Variants in PRKAR2A observed in about 807,000 individuals in gnomAD.
PRKAR2A encodes the protein protein kinase cAMP-dependent type II regulatory subunit alpha, also known as cAMP-dependent protein kinase type II-alpha regulatory subunit.
PRKAR2A carries 29 observed loss-of-function variants against 51.9 expected under a neutral mutation model. The ratio of observed to expected loss-of-function variants is 0.56; its 90% CI spans 0.42 to 0.76. The LOEUF is 0.76. PRKAR2A is among the 30% of genes least tolerant of loss of function. The pLI is 0.00. For synonymous variants in PRKAR2A, 178 were observed against 186.2 expected, an observed-to-expected ratio of 0.96 and a Z score of 0.36; for missense variants, 445 against 512.1, an observed-to-expected ratio of 0.87 and a Z score of 1.26.
Position 48,847,409 on chromosome 3 carries a change from G to A in PRKAR2A, c.188C>T (p.Pro63Leu), listed in dbSNP as rs751119335. Residue 63 changes from proline to leucine, a missense_variant, in exon 1 of 11, where the codon CCG (proline) becomes CTG (leucine). Coordinates refer to ENST00000265563, the MANE Select transcript of PRKAR2A (RefSeq NM_004157.4). This position sits in a 1 kb window ranked among gnomAD's most constrained non-coding sequence, Gnocchi z 4.4. ...GACACGGTCCGGGCCGGGTTCTGGC[G>A]GGGGGTGGCCCAGGCTCTGGCGTGG... ...ATPRQSLGHP[P>L]PEPGPDRVAD... The A allele has an allele frequency of 6.2e-7, 1 of 1,603,030 alleles. No homozygotes were observed. Among genetic ancestry groups the A allele is most frequent in the Non-Finnish European group, 8.5e-7 (1 of 1,174,964 alleles).
intron 1 of PRKAR2A, among the ~76,000 whole-genome samples, chr3:48,828,880 C>A (rs144519232): frequency 6.6e-6 from 1 of 151,748 alleles, no homozygotes; most frequent in Non-Finnish European, 1.5e-5. Flanking sequence ...GTCACCCAGG[C>A]TGGAGTGCAG....
Position 48,751,561 on chromosome 3 carries a change from A to G in PRKAR2A, c.*24T>C. The G allele has an allele frequency of 2.5e-6, 4 of 1,606,524 alleles. No individual in the cohort carries two copies. Among genetic ancestry groups the G allele is most frequent in the Non-Finnish European group, 3.4e-6 (4 of 1,174,754 alleles). Reference sequence around the variant, plus strand: ...ACCAGAAGGTTTTGGTGTCACACTAAGAAGGCTCTGGGGTGTGGCACACCT... The same window carrying G: ...ACCAGAAGGTTTTGGTGTCACACTAGGAAGGCTCTGGGGTGTGGCACACCT... On this transcript the variant is annotated 3_prime_UTR_variant, in exon 11 of 11. Coordinates refer to ENST00000265563, the MANE Select transcript of PRKAR2A (RefSeq NM_004157.4).
At chr3:48,832,810 G>A (rs1447071824) in intron 1 of PRKAR2A, among the ~76,000 whole-genome samples, 2 of 152,044 alleles carry the variant, frequency 1.3e-5, no homozygotes, top group Non-Finnish European at 2.9e-5. Flanking sequence ...TACTTGAGTA[G>A]GAACCCTTGA....
rs556223781 is a variant in PRKAR2A at position 48,750,961 on chromosome 3, G to T, written c.*624C>A. The T allele has an allele frequency of 7.6e-5, 16 of 211,418 alleles. No homozygotes were observed. The highest frequency in any genetic ancestry group is 1.2e-4 in the Non-Finnish European group (12 of 103,986). 13.1% of individuals were successfully genotyped at this position (211,418 alleles called of 1,614,324 possible). A position where few individuals can be genotyped will look rare whatever the true frequency, so the allele number is the denominator to read the frequency against. ...TGCTGACCTGCTGGGTCCTGAGCAG[G>T]GTCTTTCCCTAAGCATCACTGTGGG... On this transcript the variant is annotated 3_prime_UTR_variant, in exon 11 of 11. Coordinates refer to ENST00000265563, the MANE Select transcript of PRKAR2A (RefSeq NM_004157.4).
intron 1 of PRKAR2A, among the ~76,000 whole-genome samples, chr3:48,843,766 G>C (rs1462068026): frequency 2.0e-5 from 3 of 152,056 alleles, no homozygotes. Context: ...ATGGTGCTGG[G>C]AAAACTGGCT....
intron 1 of PRKAR2A, among the ~76,000 whole-genome samples, chr3:48,812,156 C>T (rs1039892789): frequency 6.6e-6 from 1 of 151,664 alleles, no homozygotes; most frequent in Admixed American, 6.6e-5. Context: ...ATTGAAAGTC[C>T]TTCAACATGA....
chr3:48,746,228 T>C (rs547348362), downstream of PRKAR2A, among the ~76,000 whole-genome samples: 2 of 151,988 alleles, frequency 1.3e-5, no homozygotes, highest in African/African-American at 2.4e-5. Context: ...AATAAATCTT[T>C]AGGCTGGGTG....
At position 48,747,041 on chromosome 3, in the gene PRKAR2A, C is replaced by G. The variant is rs1177577829; in HGVS notation, c.*4544G>C. The G allele has an allele frequency of 2.3e-5, 2 of 88,370 alleles. No individual in the cohort carries two copies. Among genetic ancestry groups the G allele is most frequent in the Non-Finnish European group, 4.3e-5 (2 of 47,004 alleles). 5.5% of individuals were successfully genotyped at this position (88,370 alleles called of 1,614,324 possible). On this transcript the variant is annotated 3_prime_UTR_variant, in exon 11 of 11. Coordinates refer to ENST00000265563, the MANE Select transcript of PRKAR2A (RefSeq NM_004157.4). ...CATGAGGTTAGTGACAGTTCTTGTC[C>G]TTTTTTTTTTTTTTTTTTTTTTTTT...
rs1477522468 is a variant in PRKAR2A, at chr3:48,829,590, A to ACACACATAAATATATATGTGTG, written c.262+17744_262+17745insCACACATATATATTTATGTGTG. Among the ~76,000 whole-genome samples the ACACACATAAATATATATGTGTG allele has an allele frequency of 8.7e-4, 31 of 35,644 alleles. 3 individuals carry two copies. In the East Asian group the frequency reaches 0.018, roughly 20 times the overall value. The allele number at this position is 35,644 out of a possible 152,430, so 23.4% of individuals were successfully genotyped here. Reference sequence around the variant, plus strand: ...CACACATAAATATATATGTGTGTATATATACACACACATAAATGTGTGTGT... The same window carrying ACACACATAAATATATATGTGTG: ...CACACATAAATATATATGTGTGTATACACACATAAATATATATGTGTGTATACACACACATAAATGTGTGTGT... On this transcript the variant is annotated intron_variant, in intron 1 of 10. Transcript: ENST00000265563.
chr3:48,772,918 A>G (rs1281328844), intron 6 of PRKAR2A, 37 bp downstream of exon 6: 3 of 1,596,122 alleles, frequency 1.9e-6, no homozygotes, highest in Non-Finnish European at 2.6e-6. Flanking sequence ...GGGAATTAAT[A>G]CTGTGCCTTG....
intron 9 of PRKAR2A, among the ~76,000 whole-genome samples, chr3:48,753,096 C>G (rs2107192324): frequency 6.6e-6 from 1 of 151,544 alleles, no homozygotes; most frequent in South Asian, 2.1e-4. Flanking sequence ...CCACGCCTGG[C>G]TAATTTTTTT....
intron 1 of PRKAR2A, among the ~76,000 whole-genome samples, chr3:48,846,423 G>C (rs1327383914): frequency 9.2e-5 from 14 of 151,480 alleles, no homozygotes; most frequent in Admixed American, 9.2e-4. Flanking sequence ...CGCCATGTTG[G>C]CCAGGCTGGT....
At chr3:48,843,195 C>A (rs1195874001) in intron 1 of PRKAR2A, among the ~76,000 whole-genome samples, 1 of 152,064 alleles carries the variant, frequency 6.6e-6, no homozygotes, top group African/African-American at 2.4e-5. Flanking sequence ...AGTTTATTTG[C>A]GTAGAGGTGT....
At chr3:48,826,006 G>A (rs2083056914) in intron 1 of PRKAR2A, among the ~76,000 whole-genome samples, 1 of 152,160 alleles carries the variant, frequency 6.6e-6, no homozygotes, top group South Asian at 2.1e-4. Context: ...GCAGGGCATG[G>A]TGACTCCCAG....
chr3:48,768,098 C>T (rs2081967435), intron 6 of PRKAR2A, among the ~76,000 whole-genome samples: 2 of 151,806 alleles, frequency 1.3e-5, no homozygotes, highest in Admixed American at 6.6e-5. Flanking sequence ...AGTTTGAGAA[C>T]AGCCTGGGCA....
At chr3:48,834,726 GA>G (rs567543851) in intron 1 of PRKAR2A, among the ~76,000 whole-genome samples, 1,960 of 49,706 alleles carry the variant, frequency 0.039, 33 homozygotes, top group African/African-American at 0.12. Context: ...CCTGTCTCAA[GA>G]AAAAAAAAAA....
At chr3:48,829,932 T>C (rs1304439867) in intron 1 of PRKAR2A, among the ~76,000 whole-genome samples, 57 of 143,686 alleles carry the variant, frequency 4.0e-4, no homozygotes, top group Non-Finnish European at 7.2e-4. Context: ...GCACAGTGGC[T>C]CACGCCTATA....
At chr3:48,768,496 G>A (rs1197341651) in intron 6 of PRKAR2A, among the ~76,000 whole-genome samples, 9 of 151,416 alleles carry the variant, frequency 5.9e-5, no homozygotes, top group Non-Finnish European at 1.3e-4. Flanking sequence ...TCAGGAGTTC[G>A]AGACCAGCCT....
At chr3:48,837,294 AC>A (rs1465047667) in intron 1 of PRKAR2A, among the ~76,000 whole-genome samples, 1 of 152,158 alleles carries the variant, frequency 6.6e-6, no homozygotes. Context: ...ACAGAGTGAC[AC>A]CCTATCTTAA....
Sources: gnomAD v4.1 joint callset for allele counts (sites outside exome capture counted in the v4.1 genomes callset) on GRCh38, gnomAD v4.1.1 for gene constraint, Gnocchi (gnomAD v3.1) non-coding constraint, MANE v1.5 for transcripts, NCBI Gene and HGNC (gene_info 2026-07-23, HGNC 2026-07-21) for gene names.